Variants in DACH1 observed in about 807,000 individuals in gnomAD.
DACH1 encodes dachshund family transcription factor 1.
In DACH1, 12 loss-of-function variants were observed where a neutral mutation model predicts 54.2. The observed-to-expected ratio is 0.22, with a 90% CI of 0.14 to 0.36. The LOEUF is 0.36. Ranked by LOEUF, DACH1 falls within the 10% of genes least tolerant of loss-of-function variation. DACH1 has a pLI of 1.00. For missense variants in DACH1, 805 were observed against 929.8 expected (o/e 0.87, Z 1.75); for synonymous variants, 386 against 366.2 (o/e 1.05, Z -0.62).
chr13:71,552,907 G>A (rs1883976325), intron 6 of DACH1, among the ~76,000 whole-genome samples: 1 of 140,236 alleles, frequency 7.1e-6, no homozygotes, highest in Non-Finnish European at 1.5e-5. Context: ...TAGACCAGGT[G>A]TGGTAGCTCA....
chr13:71,527,614 A>G (rs891514976), intron 6 of DACH1, among the ~76,000 whole-genome samples: 6 of 152,218 alleles, frequency 3.9e-5, no homozygotes, highest in African/African-American at 1.2e-4. Flanking sequence ...TTACAATGAG[A>G]GGGATATGAG....
At chr13:71,824,252 T>C (rs1888299415) in intron 1 of DACH1, among the ~76,000 whole-genome samples, 1 of 151,828 alleles carries the variant, frequency 6.6e-6, no homozygotes, top group South Asian at 2.1e-4. Context: ...ATTATTATTA[T>C]TTAAAAGATG....
intron 1 of DACH1, among the ~76,000 whole-genome samples, chr13:71,826,099 C>G (rs1323966918): frequency 6.6e-6 from 1 of 152,024 alleles, no homozygotes; most frequent in Non-Finnish European, 1.5e-5. Flanking sequence ...ATTCAAATAT[C>G]CATTTGACTG....
At chr13:71,686,067 T>TTCTA (rs1881144996) in intron 1 of DACH1, among the ~76,000 whole-genome samples, 2 of 152,158 alleles carry the variant, frequency 1.3e-5, no homozygotes, top group Admixed American at 6.6e-5. Context: ...AGCGACCCAT[T>TTCTA]TCTATCCCAG....
chr13:71,850,739 C>T (rs879831009), intron 1 of DACH1, among the ~76,000 whole-genome samples: 3 of 152,118 alleles, frequency 2.0e-5, no homozygotes, highest in East Asian at 1.9e-4. Flanking sequence ...TACAGAAGGA[C>T]TTATGGCCAC....
rs140801599 is a variant in DACH1, at chr13:71,700,481, G to A, written c.849-18571C>T. Among the ~76,000 whole-genome samples the A allele has an allele frequency of 2.8e-3, 416 of 150,848 alleles. 1 individual carries two copies. Among genetic ancestry groups the A allele is most frequent in the African/African-American group, 9.5e-3 (388 of 40,966 alleles). ...TGAGGCAGGAGAATCACATGAACCC[G>A]GGAGGCAGAAGTTGCAGTAAGCAGA... On this transcript the variant is annotated intron_variant, in intron 1 of 10. Transcript: ENST00000613252.
chr13:71,840,601 A>G (rs976073805), intron 1 of DACH1, among the ~76,000 whole-genome samples: 1 of 152,082 alleles, frequency 6.6e-6, no homozygotes, highest in Non-Finnish European at 1.5e-5. Flanking sequence ...ATGTCTGCTT[A>G]TTTTGCTTTC....
At chr13:71,679,149 A>G (rs1297253894) in intron 2 of DACH1, among the ~76,000 whole-genome samples, 1 of 152,232 alleles carries the variant, frequency 6.6e-6, no homozygotes, top group Admixed American at 6.5e-5. Flanking sequence ...ATTGAAATAC[A>G]GAAAATGATC....
intron 7 of DACH1, among the ~76,000 whole-genome samples, chr13:71,485,768 A>T (rs1878452148): frequency 6.6e-6 from 1 of 150,936 alleles, no homozygotes; most frequent in Non-Finnish European, 1.5e-5. Flanking sequence ...TTTTTAGTAG[A>T]GACAGGGTTT....
At chr13:71,457,351 A>G (rs1416782058) in intron 10 of DACH1, among the ~76,000 whole-genome samples, 1 of 152,046 alleles carries the variant, frequency 6.6e-6, no homozygotes, top group Non-Finnish European at 1.5e-5. Context: ...TGCAGAATCA[A>G]CAAAGATGCA....
chr13:71,491,890 A>G (rs1435389410), intron 6 of DACH1, among the ~76,000 whole-genome samples: 2 of 152,188 alleles, frequency 1.3e-5, no homozygotes, highest in Non-Finnish European at 2.9e-5. Flanking sequence ...TGAGAGGCCA[A>G]TGTAGAAGAG....
intron 1 of DACH1, among the ~76,000 whole-genome samples, chr13:71,790,892 AAC>A (rs1259617355): frequency 6.6e-6 from 1 of 152,226 alleles, no homozygotes; most frequent in East Asian, 1.9e-4. Context: ...AAATTTACAA[AAC>A]AGTTCATAGA....
intron 6 of DACH1, among the ~76,000 whole-genome samples, chr13:71,494,577 T>A (rs1475033582): frequency 1.5e-4 from 23 of 152,138 alleles, no homozygotes; most frequent in Admixed American, 1.5e-3. Context: ...CAAATTATGA[T>A]GGGTTTTATC....
intron 3 of DACH1, among the ~76,000 whole-genome samples, chr13:71,621,463 G>C (rs1353132644): frequency 2.0e-5 from 3 of 152,034 alleles, no homozygotes; most frequent in African/African-American, 7.2e-5. Context: ...GTGAGCAGGA[G>C]GTACTTCACT....
intron 3 of DACH1, among the ~76,000 whole-genome samples, chr13:71,618,279 A>G (rs1489451638): frequency 4.6e-5 from 7 of 152,082 alleles, no homozygotes; most frequent in East Asian, 1.9e-4. Context: ...TGGGGGGTTC[A>G]ATATCAACAT....
intron 6 of DACH1, among the ~76,000 whole-genome samples, chr13:71,489,796 TAC>T (rs1251347776): frequency 6.6e-6 from 1 of 152,108 alleles, no homozygotes; most frequent in Non-Finnish European, 1.5e-5. Flanking sequence ...ATAGCTTCCA[TAC>T]ATAAAAAACG....
At chr13:71,686,337 A>C (rs1396909849) in intron 1 of DACH1, among the ~76,000 whole-genome samples, 1 of 152,126 alleles carries the variant, frequency 6.6e-6, no homozygotes, top group Admixed American at 6.6e-5. Flanking sequence ...TTTCTCCTGC[A>C]GTTCTAAATA....
At chr13:71,540,398 A>G (rs913369499) in intron 6 of DACH1, among the ~76,000 whole-genome samples, 1 of 152,092 alleles carries the variant, frequency 6.6e-6, no homozygotes, top group Non-Finnish European at 1.5e-5. Flanking sequence ...TGGTCCTCAC[A>G]AGTTGGCAGA....
At chr13:71,856,701 C>CA (rs1441688712) in intron 1 of DACH1, among the ~76,000 whole-genome samples, 3 of 151,736 alleles carry the variant, frequency 2.0e-5, no homozygotes, top group African/African-American at 7.3e-5. Flanking sequence ...TTCTATGTTG[C>CA]AAAAAATGTA....
Sources: allele counts gnomAD v4.1 joint callset (sites outside exome capture counted in the v4.1 genomes callset), GRCh38; gene constraint gnomAD v4.1.1; transcripts MANE v1.5; gene names NCBI Gene and HGNC (gene_info 2026-07-23, HGNC 2026-07-21).